The following APBB2 variants were observed in gnomAD, a reference collection of about 807,000 sequenced individuals.
APBB2 encodes Fe65-like 1.
APBB2 carries 38 observed loss-of-function variants against 82.5 expected under a neutral mutation model. That is an observed-to-expected ratio of 0.46 (90% CI 0.36 to 0.60). The LOEUF (loss-of-function observed/expected upper bound fraction) is 0.60, where lower values mean the gene tolerates loss of function less well. Among genes scored for constraint, APBB2 ranks in the 20% least tolerant of loss-of-function variants. The pLI is 0.00. For synonymous variants in APBB2, 341 were observed against 368.2 expected, an observed-to-expected ratio of 0.93 and a Z score of 0.85; for missense variants, 772 against 972.3, an observed-to-expected ratio of 0.79 and a Z score of 2.74.
intron 5 of APBB2, among the ~76,000 whole-genome samples, chr4:41,025,656 T>C (rs1015959664): frequency 2.6e-5 from 4 of 152,036 alleles, no homozygotes; most frequent in African/African-American, 7.2e-5. Context: ...TGGTGGCTCA[T>C]GCCTGTAATC....
At chr4:41,170,573 T>C (rs1767973459) in intron 1 of APBB2, among the ~76,000 whole-genome samples, 1 of 152,214 alleles carries the variant, frequency 6.6e-6, no homozygotes, top group South Asian at 2.1e-4. Flanking sequence ...TGCCCAGTAC[T>C]CTTCAGAAAA....
At chr4:40,842,415 C>T (rs1182903855) in intron 12 of APBB2, 7 of 454,244 alleles carry the variant, frequency 1.5e-5, no homozygotes, top group Non-Finnish European at 3.1e-5. Context: ...GCAGAAACAA[C>T]ACGTTAGCAT....
intron 1 of APBB2, among the ~76,000 whole-genome samples, chr4:41,183,800 T>C (rs1020826250): frequency 7.4e-6 from 1 of 135,828 alleles, no homozygotes; most frequent in Non-Finnish European, 1.6e-5. Flanking sequence ...AGTTGTTTCA[T>C]GGAAGACAAT....
intron 2 of APBB2, among the ~76,000 whole-genome samples, chr4:41,123,797 T>C (rs552736837): frequency 2.0e-5 from 3 of 151,778 alleles, no homozygotes; most frequent in South Asian, 2.1e-4. Flanking sequence ...CACTCCAGCC[T>C]GGGCGACAGC....
rs986575991 is a variant in APBB2, at chr4:41,041,280, T to C, written c.-50-7976A>G. Among the ~76,000 whole-genome samples, 6 of 152,314 alleles carry C rather than the reference T, an allele frequency of 3.9e-5. No homozygotes were observed. In the East Asian group the frequency reaches 9.6e-4, roughly 24 times the overall value. On this transcript the variant is annotated intron_variant, in intron 4 of 17. Coordinates refer to ENST00000508593, the MANE Select transcript of APBB2 (RefSeq NM_004307.2). ...ACTATTTAAAAAAAAATCCTTTAAA[T>C]TGCCTGCTTAGTACAATACACACAG...
intron 12 of APBB2, among the ~76,000 whole-genome samples, chr4:40,845,287 C>T (rs1042695879): frequency 6.6e-6 from 1 of 152,140 alleles, no homozygotes; most frequent in Admixed American, 6.6e-5. Context: ...AAGAAAACAT[C>T]AGTCCAAAGC....
chr4:41,035,914 A>C (rs1463166075), intron 4 of APBB2, among the ~76,000 whole-genome samples: 2 of 152,154 alleles, frequency 1.3e-5, no homozygotes, highest in Non-Finnish European at 2.9e-5. Context: ...GCTCATGCAC[A>C]CTGGGAGACA....
chr4:41,205,654 G>A (rs180954058), intron 1 of APBB2, among the ~76,000 whole-genome samples: 12 of 152,226 alleles, frequency 7.9e-5, no homozygotes, highest in African/African-American at 2.9e-4. Context: ...AACTGCCCTG[G>A]ATACTCTAAA....
At chr4:40,863,173 C>T (rs1050784961) in intron 12 of APBB2, among the ~76,000 whole-genome samples, 2 of 152,154 alleles carry the variant, frequency 1.3e-5, no homozygotes, top group Admixed American at 1.3e-4. Flanking sequence ...ATCTTTTGTG[C>T]CCAGCTCAGC....
intron 5 of APBB2, among the ~76,000 whole-genome samples, chr4:41,015,406 T>G (rs967271596): frequency 5.3e-5 from 8 of 152,190 alleles, no homozygotes; most frequent in African/African-American, 1.9e-4. Context: ...ACTTTGGTGA[T>G]CTCTACCTCA....
At chr4:40,999,050 G>T (rs921758329) in intron 6 of APBB2, among the ~76,000 whole-genome samples, 6 of 152,122 alleles carry the variant, frequency 3.9e-5, no homozygotes, top group African/African-American at 1.2e-4. Context: ...TGAAGCCACA[G>T]AAAGTGAAAC....
Position 41,052,208 on chromosome 4 carries a change from AATACATACATAC to A in APBB2, c.-51+13356_-51+13367del, listed in dbSNP as rs33920742. ...CATAGCAAGACCTTGTCTGTACAAA[AATACATACATAC>A]ATACATACATACATACATACATACC... On this transcript the variant is annotated intron_variant, in intron 4 of 17. Coordinates refer to ENST00000508593, the MANE Select transcript of APBB2 (RefSeq NM_004307.2). Among the ~76,000 whole-genome samples, 364 of 149,808 alleles carry A rather than the reference AATACATACATAC, an allele frequency of 2.4e-3. 1 individual carries two copies. The highest frequency in any genetic ancestry group is 8.2e-3 in the African/African-American group (332 of 40,724).
At chr4:40,819,557 G>A (rs528919308) in intron 17 of APBB2, among the ~76,000 whole-genome samples, 19 of 151,950 alleles carry the variant, frequency 1.3e-4, no homozygotes, top group South Asian at 4.2e-4. Flanking sequence ...CTCCCCTGCC[G>A]TTCCAGGGAG....
chr4:40,988,516 T>C (rs1218467178), intron 6 of APBB2, among the ~76,000 whole-genome samples: 4 of 151,076 alleles, frequency 2.6e-5, no homozygotes, highest in South Asian at 2.1e-4. Context: ...TGGGTGCCTG[T>C]AATCCCAGCT....
intron 10 of APBB2, among the ~76,000 whole-genome samples, chr4:40,904,001 G>A (rs116130217): frequency 1.3e-4 from 20 of 152,212 alleles, no homozygotes; most frequent in East Asian, 3.9e-4. Context: ...ATTTGATAGC[G>A]CATGTTTTGT....
chr4:41,016,695 C>G (rs1810058846), intron 5 of APBB2, among the ~76,000 whole-genome samples: 1 of 151,720 alleles, frequency 6.6e-6, no homozygotes, highest in Admixed American at 6.6e-5. Context: ...CATATTTTCA[C>G]AGTCTTTGGG....
At chr4:41,119,080 G>A (rs538129738) in intron 2 of APBB2, among the ~76,000 whole-genome samples, 8 of 152,026 alleles carry the variant, frequency 5.3e-5, no homozygotes, top group South Asian at 2.1e-4. Flanking sequence ...TTGAGGCTGC[G>A]GCAAACCGAG....
rs1560914324 is a variant in APBB2 at position 41,160,023 on chromosome 4, GAA to G, written c.-416-16883_-416-16882del. Among the ~76,000 whole-genome samples, 19 of 147,300 alleles carry G rather than the reference GAA, an allele frequency of 1.3e-4. No homozygotes were observed. In the East Asian group the frequency reaches 3.7e-3, roughly 29 times the overall value. On this transcript the variant is annotated intron_variant, in intron 1 of 17. Coordinates refer to ENST00000508593, the MANE Select transcript of APBB2 (RefSeq NM_004307.2). ...AGAAGAAGAAGAAGAAGAAGAAGAA[GAA>G]GAAGAAGAAGAAAACATCACAGGAT...
intron 1 of APBB2, among the ~76,000 whole-genome samples, chr4:41,154,080 C>T (rs932393234): frequency 2.0e-5 from 3 of 152,172 alleles, no homozygotes; most frequent in Admixed American, 2.0e-4. Flanking sequence ...ATACATTTAT[C>T]ATTCTCTCCA....
Sources: gnomAD v4.1 joint callset for allele counts (sites outside exome capture counted in the v4.1 genomes callset) on GRCh38, gnomAD v4.1.1 for gene constraint, MANE v1.5 for transcripts, NCBI Gene and HGNC (gene_info 2026-07-23, HGNC 2026-07-21) for gene names.